Variants in ING4 observed in about 807,000 individuals in gnomAD.
The protein encoded by ING4 is inhibitor of growth family member 4, also known as inhibitor of growth protein 4.
ING4 carries 28 observed loss-of-function variants against 33.1 expected under a neutral mutation model. The observed-to-expected ratio is 0.85, with a 90% CI of 0.63 to 1.16. ING4 has a LOEUF of 1.16. Ranked by LOEUF, ING4 falls within the 50% of genes most tolerant of loss-of-function variation. The pLI, the probability that ING4 is intolerant of heterozygous loss-of-function variation, is 0.00. For synonymous variants in ING4, 87 were observed against 104.4 expected (o/e 0.83, Z 1.02); for missense variants, 247 against 314.7 (o/e 0.78, Z 1.63).
rs1367258698 is a variant in ING4, at chr12:6,651,731, G to A, written c.646-346C>T. Among the ~76,000 whole-genome samples the A allele has an allele frequency of 2.6e-5, 4 of 152,034 alleles. No homozygotes were observed. In the East Asian group the frequency reaches 5.8e-4, roughly 22 times the overall value. ...TAATTTTTGTATTTTTAGTGGAGAC[G>A]GGGTTTCACCGTGTTGGCCAGGCCA... On this transcript the variant is annotated intron_variant, in intron 6 of 7. Transcript: ENST00000341550.
intron 5 of ING4, 36 bp from the exon 6 acceptor site, chr12:6,652,454 G>A: frequency 1.2e-6 from 2 of 1,608,086 alleles, no homozygotes; most frequent in Non-Finnish European, 1.7e-6. Flanking sequence ...GTCATCTACA[G>A]GAAGGGAAGC....
intron 1 of ING4, among the ~76,000 whole-genome samples, chr12:6,659,729 C>T (rs1262490966): frequency 2.0e-5 from 3 of 150,744 alleles, no homozygotes; most frequent in African/African-American, 4.9e-5. Flanking sequence ...AGGAGAGTGG[C>T]GTGCATCCAG....
rs1565396596 is a variant in ING4 at position 6,651,392 on chromosome 12, G to A, written c.646-7C>T. ...GGAACCACTCAATGGAACACTGGAA[G>A]AGGAAGAAAGAAGTAGTCAGGGGCC... On this transcript the variant is annotated splice_region_variant and splice_polypyrimidine_tract_variant and intron_variant, in intron 6 of 7. Transcript: ENST00000341550. 5.0e-6 allele frequency: 8 copies of A among 1,613,722 alleles called. No individual in the cohort carries two copies. The highest frequency in any genetic ancestry group is 5.9e-6 in the Non-Finnish European group (7 of 1,179,734).
At position 6,652,463 on chromosome 12, in the gene ING4, G is replaced by A. The variant is rs556391067; in HGVS notation, c.498-45C>T. The A allele has an allele frequency of 3.7e-6, 6 of 1,601,872 alleles. No individual in the cohort carries two copies. The African/African-American group carries it at 8.0e-5, about 21-fold the overall frequency. On this transcript the variant is annotated intron_variant, in intron 5 of 7. Transcript: ENST00000341550. ...GAAAGTGTCATCTACAGGAAGGGAA[G>A]CTAAAGCCTGAGGCTTTCAGAGGTG...
chr12:6,652,656 A>G lies in ING4; in HGVS notation c.497+6T>C. On this transcript the variant is annotated splice_donor_region_variant and intron_variant, in intron 5 of 7. Coordinates refer to ENST00000341550, the MANE Select transcript of ING4 (RefSeq NM_016162.4). ...CATCCGGCAAAGGGCTCCCTGAATC[A>G]CTCACGTGCGCACGAGCTTTAACTT... is the stretch of plus-strand genomic sequence containing the variant. The G allele has an allele frequency of 6.2e-7, 1 of 1,611,978 alleles. No individual in the cohort carries two copies. The highest frequency in any genetic ancestry group is 8.5e-7 in the Non-Finnish European group (1 of 1,178,648).
intron 1 of ING4, among the ~76,000 whole-genome samples, chr12:6,660,661 A>T (rs1949519181): frequency 6.6e-6 from 1 of 152,026 alleles, no homozygotes; most frequent in Admixed American, 6.6e-5. Flanking sequence ...AAAAAAATAA[A>T]ATGCCTCTAC....
In ING4 at chr12:6,653,217, A is replaced by C; in HGVS notation, c.276+13T>G. Reference sequence around the variant, plus strand: ...GATGGGAAGTAGGTGGGGAGCCATGAACAGGGCCATACCATCTCATAGGTC... The same window carrying C: ...GATGGGAAGTAGGTGGGGAGCCATGCACAGGGCCATACCATCTCATAGGTC... On this transcript the variant is annotated intron_variant, in intron 3 of 7. Coordinates refer to ENST00000341550, the MANE Select transcript of ING4 (RefSeq NM_016162.4). 1.2e-6 allele frequency: 2 copies of C among 1,613,844 alleles called. No individual in the cohort carries two copies. Among genetic ancestry groups the C allele is most frequent in the Non-Finnish European group, 1.7e-6 (2 of 1,179,820 alleles).
At chr12:6,661,299 T>C (rs1373259225) in intron 1 of ING4, among the ~76,000 whole-genome samples, 1 of 151,900 alleles carries the variant, frequency 6.6e-6, no homozygotes, top group Non-Finnish European at 1.5e-5. Context: ...GGTTTCACCA[T>C]GTTAGCCAGG....
intron 1 of ING4, among the ~76,000 whole-genome samples, chr12:6,660,997 T>C (rs1007516292): frequency 6.6e-6 from 1 of 152,288 alleles, no homozygotes; most frequent in East Asian, 1.9e-4. Flanking sequence ...TTCACTATGT[T>C]AGCCAGGCTG....
chr12:6,652,187 T>A, intron 6 of ING4, 84 bp downstream of exon 6: 1 of 1,470,316 alleles, frequency 6.8e-7, no homozygotes, highest in Non-Finnish European at 9.3e-7. Flanking sequence ...GAAGTCCCAG[T>A]ACTCAACTGT....
At position 6,652,664 on chromosome 12, in the gene ING4, G is replaced by GCGCA. The variant is rs1949221635; in HGVS notation, c.491_494dup (p.Thr166AlafsTer5). The GCGCA allele has an allele frequency of 6.2e-7, 1 of 1,613,336 alleles. No individual in the cohort carries two copies. The highest frequency in any genetic ancestry group is 8.5e-7 in the Non-Finnish European group (1 of 1,179,638). The stretch of plus-strand genomic sequence containing the variant: ...AAAGGGCTCCCTGAATCACTCACGT[G>GCGCA]CGCACGAGCTTTAACTTCTTCTGGG... On this transcript the variant is annotated frameshift_variant, in exon 5 of 8. Transcript: ENST00000341550. LOFTEE classifies it high-confidence loss of function.
At chr12:6,658,723 A>T (rs1042878649) in intron 1 of ING4, among the ~76,000 whole-genome samples, 1 of 152,146 alleles carries the variant, frequency 6.6e-6, no homozygotes, top group Non-Finnish European at 1.5e-5. Context: ...AAAATAAAAA[A>T]TGCAAACCTA....
chr12:6,653,326 T>G lies in ING4; in HGVS notation c.180A>C (p.Glu60Asp). 1 of 1,614,170 alleles carries G rather than the reference T, an allele frequency of 6.2e-7. No individual in the cohort carries two copies. The highest frequency in any genetic ancestry group is 8.5e-7 in the Non-Finnish European group (1 of 1,180,040). ...MSSARSLSSEEKLALLKQIQE... is the reference protein window; with the variant it reads ...MSSARSLSSEDKLALLKQIQE... ...GGATCTGTTTGAGAAGGGCCAATTT[T>G]TCCTCGGAGCTCAGGCTGCGGGCAC... The change falls in exon 3 of 8, where the codon GAA becomes GAC. Residue 60 changes from glutamate to aspartate, a missense_variant. Around this residue, in one of 3 missense-constraint regions of ING4, gnomAD observed 198 missense variants for 221.2 expected, o/e 0.89. Transcript: ENST00000341550.
intron 1 of ING4, among the ~76,000 whole-genome samples, chr12:6,659,754 A>G (rs1949487804): frequency 1.3e-5 from 2 of 150,782 alleles, no homozygotes; most frequent in Non-Finnish European, 3.0e-5. Flanking sequence ...TGGAGCTTTC[A>G]GTGAGCCGAG....
intron 1 of ING4, among the ~76,000 whole-genome samples, chr12:6,662,150 T>G (rs978272530): frequency 6.6e-6 from 1 of 152,146 alleles, no homozygotes; most frequent in African/African-American, 2.4e-5. Flanking sequence ...TTGCGGATGC[T>G]TTCCCCAACC....
Position 6,651,252 on chromosome 12 carries a change from A to G in ING4, c.708-18T>C. The G allele has an allele frequency of 6.2e-7, 1 of 1,614,118 alleles. No individual in the cohort carries two copies. The highest frequency in any genetic ancestry group is 8.5e-7 in the Non-Finnish European group (1 of 1,179,992). ...GGCAAAACCTGAAACAGAGAAGGGGAGAGAAAAGTGAGTGAAAGGGAGAAT... is the reference window on the plus strand; with the variant it reads ...GGCAAAACCTGAAACAGAGAAGGGGGGAGAAAAGTGAGTGAAAGGGAGAAT... On this transcript the variant is annotated intron_variant, in intron 7 of 7. Coordinates refer to ENST00000341550, the MANE Select transcript of ING4 (RefSeq NM_016162.4).
intron 5 of ING4, 90 bp downstream of exon 5, chr12:6,652,572 T>G: frequency 7.2e-7 from 1 of 1,398,138 alleles, no homozygotes; most frequent in Non-Finnish European, 1.0e-6. Flanking sequence ...CGCAGACATA[T>G]AGAAAGCGGC....
At chr12:6,653,426 T>C (rs1252303874) in intron 2 of ING4, 30 bp from the exon 3 acceptor site, 1 of 1,605,118 alleles carries the variant, frequency 6.2e-7, no homozygotes, top group Non-Finnish European at 8.5e-7. Context: ...CTGGTCACAA[T>C]GGCCCCTGAG....
In ING4 at chr12:6,662,765, T is replaced by C. The variant is rs77426127; in HGVS notation, c.37+300A>G. Among the ~76,000 whole-genome samples the C allele has an allele frequency of 6.6e-5, 10 of 152,156 alleles. No individual in the cohort carries two copies. The East Asian group carries it at 1.9e-3, about 29-fold the overall frequency. Reference sequence around the variant, plus strand: ...CTGAACGACTATGGGGAAAAAAATCTACCGAGGCTGGAGACCCTGGAGAAT... The same window carrying C: ...CTGAACGACTATGGGGAAAAAAATCCACCGAGGCTGGAGACCCTGGAGAAT... On this transcript the variant is annotated intron_variant, in intron 1 of 7. Coordinates refer to ENST00000341550, the MANE Select transcript of ING4 (RefSeq NM_016162.4).
Sources: allele counts gnomAD v4.1 joint callset (sites outside exome capture counted in the v4.1 genomes callset), GRCh38; gene constraint gnomAD v4.1.1; regional missense constraint gnomAD v4.1.1; transcripts MANE v1.5; gene names NCBI Gene and HGNC (gene_info 2026-07-23, HGNC 2026-07-21).